Variants in CACNA2D3 observed in about 807,000 individuals in gnomAD.
CACNA2D3 encodes calcium voltage-gated channel auxiliary subunit alpha2delta 3.
A neutral mutation model predicts 160.6 loss-of-function variants in CACNA2D3; 60 were observed. The observed-to-expected ratio is 0.37, with a 90% CI of 0.30 to 0.46. The LOEUF (loss-of-function observed/expected upper bound fraction) is 0.46, where lower values mean the gene tolerates loss of function less well. CACNA2D3 is among the 20% of genes least tolerant of loss of function. CACNA2D3 has a pLI of 1.00. For missense variants in CACNA2D3, 1,205 were observed against 1,365.0 expected (o/e 0.88, Z 1.85); for synonymous variants, 558 against 492.9 (o/e 1.13, Z -1.75).
rs59534343 is a variant in CACNA2D3 at position 54,303,818 on chromosome 3, G to GTTTTTTGTTTTTTTTTTTTTTTTTTTT, written c.205-16618_205-16617insGTTTTTTTTTTTTTTTTTTTTTTTTTT. Among the ~76,000 whole-genome samples, 4 of 115,006 alleles carry GTTTTTTGTTTTTTTTTTTTTTTTTTTT rather than the reference G, an allele frequency of 3.5e-5. 1 individual carries two copies. Among genetic ancestry groups the GTTTTTTGTTTTTTTTTTTTTTTTTTTT allele is most frequent in the Non-Finnish European group, 3.4e-5 (2 of 58,438 alleles). 75.4% of individuals were successfully genotyped at this position (115,006 alleles called of 152,430 possible). ...CAGCCTCATCAGTGACTTTTTTTCT[G>GTTTTTTGTTTTTTTTTTTTTTTTTTTT]TTTTTTTTTTTTTTTTTTTTCTATT... On this transcript the variant is annotated intron_variant, in intron 2 of 37. Coordinates refer to ENST00000474759, the MANE Select transcript of CACNA2D3 (RefSeq NM_018398.3).
chr3:54,471,249 A>G (rs1022068278), intron 4 of CACNA2D3, among the ~76,000 whole-genome samples: 5 of 152,202 alleles, frequency 3.3e-5, no homozygotes, highest in African/African-American at 1.2e-4. Context: ...TAAGAAACTC[A>G]CTCAAAACCA....
rs189967796 is a variant in CACNA2D3 at position 54,152,206 on chromosome 3, G to A, written c.204+28612G>A. ...TCAGCTCTGTCTCCCACGTAGCCTG[G>A]CACCAACATGTAGTGGTTAATATCC... On this transcript the variant is annotated intron_variant, in intron 2 of 37. Transcript: ENST00000474759. Among the ~76,000 whole-genome samples, 216 of 152,286 alleles carry A rather than the reference G, an allele frequency of 1.4e-3. 2 individuals carry two copies. Among genetic ancestry groups the A allele is most frequent in the African/African-American group, 4.9e-3 (204 of 41,554 alleles).
chr3:54,690,107 C>T (rs975116993), intron 11 of CACNA2D3, among the ~76,000 whole-genome samples: 33 of 152,126 alleles, frequency 2.2e-4, no homozygotes, highest in African/African-American at 7.0e-4. Flanking sequence ...TATCTCATCT[C>T]CTTTAAGTCT....
At chr3:54,763,631 G>GTGTGTGTGTGTGTGTATATATA (rs1198985961) in intron 12 of CACNA2D3, among the ~76,000 whole-genome samples, 2 of 135,868 alleles carry the variant, frequency 1.5e-5, no homozygotes, top group Non-Finnish European at 3.2e-5. Context: ...CATATACTGT[G>GTGTGTGTGTGTGTGTATATATA]TGTGTGTGTG....
intron 18 of CACNA2D3, among the ~76,000 whole-genome samples, chr3:54,876,734 C>T (rs1699669672): frequency 6.6e-6 from 1 of 152,148 alleles, no homozygotes; most frequent in South Asian, 2.1e-4. Context: ...AATAACAGCA[C>T]CTCAGAAGAT....
At chr3:55,021,352 T>G (rs1387820783) in intron 35 of CACNA2D3, among the ~76,000 whole-genome samples, 1 of 151,942 alleles carries the variant, frequency 6.6e-6, no homozygotes, top group Non-Finnish European at 1.5e-5. Flanking sequence ...TTGCCCCCTT[T>G]TAAAGTTTTT....
chr3:54,928,374 G>T (rs929129735), intron 27 of CACNA2D3, among the ~76,000 whole-genome samples: 1 of 152,138 alleles, frequency 6.6e-6, no homozygotes, highest in Admixed American at 6.5e-5. Flanking sequence ...TCTGAATTCT[G>T]TTGACTTATT....
chr3:54,740,579 C>T (rs1323152427), intron 11 of CACNA2D3, among the ~76,000 whole-genome samples: 1 of 152,138 alleles, frequency 6.6e-6, no homozygotes, highest in Non-Finnish European at 1.5e-5. Flanking sequence ...ATCTGTCCTT[C>T]CCCCTTCCAC....
chr3:54,598,919 T>C (rs183459153), intron 9 of CACNA2D3, among the ~76,000 whole-genome samples: 1 of 152,290 alleles, frequency 6.6e-6, no homozygotes, highest in East Asian at 1.9e-4. Context: ...CCGTTTGTGA[T>C]GCTCTGGGTT....
intron 31 of CACNA2D3, 115 bp downstream of exon 31, chr3:54,987,868 T>C (rs1185780204): frequency 3.1e-6 from 2 of 651,448 alleles, no homozygotes; most frequent in South Asian, 2.2e-5. Flanking sequence ...TTTTTACTTG[T>C]GTTCATGCTC....
At chr3:54,838,831 A>G (rs886112928) in intron 16 of CACNA2D3, among the ~76,000 whole-genome samples, 183 bp downstream of exon 16, 4 of 152,140 alleles carry the variant, frequency 2.6e-5, no homozygotes, top group African/African-American at 7.2e-5. Flanking sequence ...ATTATTTACA[A>G]TGACTTGCTG....
rs1012937190 is a variant in CACNA2D3, at chr3:54,490,385, G to A, written c.382-13107G>A. ...TCCGGGCCATACCAGGCCGGTTCCC[G>A]CTTCATGAATGGAATGCAGGGTTGA... On this transcript the variant is annotated intron_variant, in intron 4 of 37. Coordinates refer to ENST00000474759, the MANE Select transcript of CACNA2D3 (RefSeq NM_018398.3). Among the ~76,000 whole-genome samples the A allele has an allele frequency of 3.9e-5, 6 of 152,302 alleles. No homozygotes were observed. The South Asian group carries it at 1.0e-3, about 26-fold the overall frequency.
chr3:54,337,212 AC>A (rs1233248366), intron 3 of CACNA2D3, among the ~76,000 whole-genome samples: 1 of 152,194 alleles, frequency 6.6e-6, no homozygotes, highest in Non-Finnish European at 1.5e-5. Context: ...TTTACAGTGA[AC>A]TTTTCTTAAC....
At chr3:54,182,712 G>T (rs1347337190) in intron 2 of CACNA2D3, among the ~76,000 whole-genome samples, 1 of 152,172 alleles carries the variant, frequency 6.6e-6, no homozygotes, top group African/African-American at 2.4e-5. Flanking sequence ...GTGGTTGGTG[G>T]TTGGGAAAGT....
chr3:54,680,615 G>T (rs577156169), intron 11 of CACNA2D3, among the ~76,000 whole-genome samples: 100 of 152,302 alleles, frequency 6.6e-4, no homozygotes, highest in African/African-American at 2.4e-3. Context: ...AATGTAGCAG[G>T]AGGATCATGA....
At chr3:54,507,193 C>T (rs1159573473) in intron 5 of CACNA2D3, among the ~76,000 whole-genome samples, 3 of 152,170 alleles carry the variant, frequency 2.0e-5, no homozygotes, top group Admixed American at 1.3e-4. Context: ...TGCTTTTGTT[C>T]ACTGAACACA....
chr3:54,579,079 T>C (rs926652340), intron 8 of CACNA2D3, among the ~76,000 whole-genome samples: 2 of 152,082 alleles, frequency 1.3e-5, no homozygotes, highest in African/African-American at 4.8e-5. Flanking sequence ...CAGGAATCAA[T>C]TTTGAGAGTG....
intron 2 of CACNA2D3, among the ~76,000 whole-genome samples, chr3:54,249,312 T>C (rs1702137074): frequency 6.6e-6 from 1 of 152,160 alleles, no homozygotes; most frequent in African/African-American, 2.4e-5. Context: ...AATATTTAAA[T>C]TGGTGAACAA....
chr3:55,063,274 T>C (rs932567857), intron 35 of CACNA2D3, among the ~76,000 whole-genome samples: 3 of 151,736 alleles, frequency 2.0e-5, no homozygotes, highest in Admixed American at 1.3e-4. Context: ...GAACAGAAAC[T>C]GGCATTTCAG....
Sources: gnomAD v4.1 joint callset for allele counts (sites outside exome capture counted in the v4.1 genomes callset) on GRCh38, gnomAD v4.1.1 for gene constraint, MANE v1.5 for transcripts, NCBI Gene and HGNC (gene_info 2026-07-23, HGNC 2026-07-21) for gene names.